The following CEP97 variants were observed in gnomAD, a reference collection of about 807,000 sequenced individuals.
CEP97 encodes the protein centrosomal protein 97.
CEP97 carries 43 observed loss-of-function variants against 73.1 expected under a neutral mutation model. The observed-to-expected ratio is 0.59, with a 90% CI of 0.46 to 0.76. The LOEUF (loss-of-function observed/expected upper bound fraction) is 0.76, where lower values mean the gene tolerates loss of function less well. Among genes scored for constraint, CEP97 ranks in the 30% least tolerant of loss-of-function variants. CEP97 has a pLI of 0.00. For missense variants in CEP97, 939 were observed against 1,014.0 expected, an observed-to-expected ratio of 0.93 and a Z score of 1.00; for synonymous variants, 337 against 370.0, an observed-to-expected ratio of 0.91 and a Z score of 1.02.
intron 6 of CEP97, among the ~76,000 whole-genome samples, chr3:101,751,567 T>C (rs1315022018): frequency 1.3e-5 from 2 of 152,238 alleles, no homozygotes; most frequent in Admixed American, 6.5e-5. Context: ...TGTAGGTCAC[T>C]AAAGACTTGC....
At chr3:101,739,904 A>T (rs901577316) in intron 6 of CEP97, among the ~76,000 whole-genome samples, 3 of 63,594 alleles carry the variant, frequency 4.7e-5, no homozygotes, top group African/African-American at 8.3e-5. Context: ...GACACCATCT[A>T]AAAAAAAAAA....
chr3:101,725,281 T>C (rs1286551126), intron 1 of CEP97, among the ~76,000 whole-genome samples: 5 of 152,178 alleles, frequency 3.3e-5, no homozygotes, highest in Admixed American at 3.3e-4. Context: ...GTTTGGTCGC[T>C]GCCCAGTAGA....
chr3:101,749,185 C>T (rs925522401), intron 6 of CEP97, among the ~76,000 whole-genome samples: 31 of 140,940 alleles, frequency 2.2e-4, no homozygotes, highest in African/African-American at 7.6e-4. Flanking sequence ...TGATGGTCCC[C>T]TTCCTGTGTC....
chr3:101,752,372 C>T (rs966075800), intron 6 of CEP97, among the ~76,000 whole-genome samples: 1 of 152,038 alleles, frequency 6.6e-6, no homozygotes, highest in African/African-American at 2.4e-5. Context: ...AATTATGTGT[C>T]TTGGAGTTGC....
At chr3:101,747,698 A>T (rs1207715762) in intron 6 of CEP97, among the ~76,000 whole-genome samples, 12 of 143,138 alleles carry the variant, frequency 8.4e-5, no homozygotes, top group Admixed American at 7.0e-5. Flanking sequence ...CTGGTATTAC[A>T]TTTTTTTTTT....
intron 6 of CEP97, among the ~76,000 whole-genome samples, chr3:101,743,141 G>A (rs1938508672): frequency 6.6e-6 from 1 of 151,830 alleles, no homozygotes; most frequent in Non-Finnish European, 1.5e-5. Flanking sequence ...AGCTACTCAG[G>A]AGGCTGAAGT....
chr3:101,743,267 C>G (rs1340232959), intron 6 of CEP97, among the ~76,000 whole-genome samples: 1 of 151,924 alleles, frequency 6.6e-6, no homozygotes, highest in East Asian at 1.9e-4. Context: ...ATCTAGAGAT[C>G]CCCTTTGTTT....
Position 101,758,052 on chromosome 3 carries a change from A to G in CEP97, c.1446A>G (p.Leu482=). ...AGGTAAATGAGAAAGCTGGACTATT[A>G]CCTTGTCCTGAGCCAACAATAATCA... ...NTEVNEKAGL[L]PCPEPTIISA... The change falls in exon 9 of 11, where the codon TTA becomes TTG. Residue 482 remains leucine (L), a synonymous_variant. Transcript: ENST00000341893. 6.2e-7 allele frequency: 1 copy of G among 1,614,252 alleles called. No homozygotes were observed. The highest frequency in any genetic ancestry group is 8.5e-7 in the Non-Finnish European group (1 of 1,180,044).
At chr3:101,755,673 C>T in intron 7 of CEP97, 79 bp downstream of exon 7, 1 of 1,419,174 alleles carries the variant, frequency 7.0e-7, no homozygotes. Flanking sequence ...GATAGTAAGC[C>T]TGAGGCAAGT....
At position 101,751,096 on chromosome 3, in the gene CEP97, G is replaced by A. The variant is rs938140724; in HGVS notation, c.729-4334G>A. On this transcript the variant is annotated intron_variant, in intron 6 of 10. Coordinates refer to ENST00000341893, the MANE Select transcript of CEP97 (RefSeq NM_024548.4). ...CACACTGCTTTGAATGTGTGCCAGA[G>A]ATTCTGGTATGTTGTGTCTTTGTTC... Among the ~76,000 whole-genome samples the A allele has an allele frequency of 1.7e-4, 26 of 152,286 alleles. 1 individual carries two copies. Among genetic ancestry groups the A allele is most frequent in the African/African-American group, 5.8e-4 (24 of 41,562 alleles).
intron 6 of CEP97, among the ~76,000 whole-genome samples, chr3:101,742,055 CAAAAAAA>C (rs1452178106): frequency 5.9e-4 from 42 of 71,154 alleles, no homozygotes; most frequent in Middle Eastern, 5.4e-3. Context: ...AAAAAAAAAA[CAAAAAAA>C]CAAAAAAACA....
At position 101,731,510 on chromosome 3, in the gene CEP97, A is replaced by C. The variant is rs1938111159; in HGVS notation, c.448-330A>C. ...GCCACCACACATGGCCTCTATTTTG[A>C]TATTTTAAAAGAAAATGAAAAAGTG... is the stretch of plus-strand genomic sequence containing the variant. On this transcript the variant is annotated intron_variant, in intron 4 of 10. Transcript: ENST00000341893. Among the ~76,000 whole-genome samples, 3 of 152,214 alleles carry C rather than the reference A, an allele frequency of 2.0e-5. No individual in the cohort carries two copies. In the South Asian group the frequency reaches 6.2e-4, roughly 32 times the overall value.
intron 4 of CEP97, among the ~76,000 whole-genome samples, chr3:101,730,469 T>A (rs1354013427): frequency 6.6e-6 from 1 of 151,874 alleles, no homozygotes; most frequent in African/African-American, 2.4e-5. Flanking sequence ...TTTCATCATG[T>A]TGGCCAGGCT....
At chr3:101,725,881 T>TG (rs901375673) in intron 1 of CEP97, among the ~76,000 whole-genome samples, 5 of 151,824 alleles carry the variant, frequency 3.3e-5, no homozygotes, top group Non-Finnish European at 7.4e-5. Context: ...TTTTTTGTTT[T>TG]TTTTTTTACA....
In CEP97 at chr3:101,765,284, T is replaced by G; in HGVS notation, c.2331T>G (p.Thr777=). The G allele has an allele frequency of 1.2e-6, 2 of 1,614,168 alleles. No individual in the cohort carries two copies. Among genetic ancestry groups the G allele is most frequent in the Non-Finnish European group, 1.7e-6 (2 of 1,180,034 alleles). The part of the protein sequence containing the change: ...QDNSLLEQYL[T]SVQQLEDADE... ...ATAGTCTGCTTGAACAGTATTTAAC[T>G]TCAGTTCAACAGCTGGAAGATGCTG... Residue 777 remains threonine, a synonymous_variant, in exon 11 of 11, where the codon ACT becomes ACG. Transcript: ENST00000341893.
At chr3:101,749,324 T>G (rs1220037386) in intron 6 of CEP97, among the ~76,000 whole-genome samples, 2 of 150,446 alleles carry the variant, frequency 1.3e-5, no homozygotes, top group African/African-American at 4.9e-5. Flanking sequence ...GGACATGAAC[T>G]CATCATTTTT....
chr3:101,769,300 G>A lies in CEP97; in HGVS notation c.*3749G>A, dbSNP rs1939399216. Reference sequence around the variant, plus strand: ...AATATGATCATTTCTCCATCATAAAGGAAAGAAGAGACTTCATTGTGTGTG... The same window carrying A: ...AATATGATCATTTCTCCATCATAAAAGAAAGAAGAGACTTCATTGTGTGTG... On this transcript the variant is annotated 3_prime_UTR_variant, in exon 11 of 11. Transcript: ENST00000341893. 1 of 151,266 alleles carries A rather than the reference G, an allele frequency of 6.6e-6. No individual in the cohort carries two copies. The highest frequency in any genetic ancestry group is 2.1e-4 in the South Asian group (1 of 4,804). 9.4% of individuals were successfully genotyped at this position (151,266 alleles called of 1,614,324 possible). A position where few individuals can be genotyped will look rare whatever the true frequency, so the allele number is the denominator to read the frequency against.
chr3:101,726,292 A>G (rs1937886360), intron 1 of CEP97, among the ~76,000 whole-genome samples: 1 of 152,214 alleles, frequency 6.6e-6, no homozygotes, highest in South Asian at 2.1e-4. Flanking sequence ...ATCATTACTT[A>G]GGCACAACAA....
At chr3:101,757,396 G>C (rs997167398) in intron 8 of CEP97, among the ~76,000 whole-genome samples, 200 bp downstream of exon 8, 6 of 152,054 alleles carry the variant, frequency 3.9e-5, no homozygotes, top group African/African-American at 1.2e-4. Flanking sequence ...CTAATTTTAA[G>C]AAACATTTCA....
Sources: allele counts gnomAD v4.1 joint callset (sites outside exome capture counted in the v4.1 genomes callset), GRCh38; gene constraint gnomAD v4.1.1; transcripts MANE v1.5; gene names NCBI Gene and HGNC (gene_info 2026-07-23, HGNC 2026-07-21).